Variants in CNTNAP4 observed in about 807,000 individuals in gnomAD.
CNTNAP4 encodes the protein contactin associated protein family member 4, also known as contactin-associated protein-like 4.
A neutral mutation model predicts 148.4 loss-of-function variants in CNTNAP4; 98 were observed. That is an observed-to-expected ratio of 0.66 (90% CI 0.56 to 0.78). CNTNAP4 has a LOEUF of 0.78. Ranked by LOEUF, CNTNAP4 falls within the 30% of genes least tolerant of loss-of-function variation. The probability of loss-of-function intolerance (pLI) is 0.00; values close to 1 mark genes in which losing one functional copy is unlikely to be tolerated. For synonymous variants in CNTNAP4, 730 were observed against 565.1 expected, an observed-to-expected ratio of 1.29 and a Z score of -4.14; for missense variants, 1,935 against 1,565.6, an observed-to-expected ratio of 1.24 and a Z score of -3.98.
At chr16:76,441,718 T>C (rs958119003) in intron 4 of CNTNAP4, among the ~76,000 whole-genome samples, 1 of 152,194 alleles carries the variant, frequency 6.6e-6, no homozygotes. Context: ...TTCATTATTA[T>C]TTAAAGAGTC....
chr16:76,403,699 T>G (rs946401653), intron 3 of CNTNAP4, among the ~76,000 whole-genome samples: 7 of 152,190 alleles, frequency 4.6e-5, no homozygotes, highest in African/African-American at 1.7e-4. Flanking sequence ...TTACTGGGTA[T>G]GTACCCAGAA....
chr16:76,285,108 G>C (rs968756023), intron 1 of CNTNAP4, among the ~76,000 whole-genome samples: 5 of 151,962 alleles, frequency 3.3e-5, no homozygotes, highest in Non-Finnish European at 7.4e-5. Context: ...TATTGCTTCA[G>C]TTTGCCCATG....
intron 17 of CNTNAP4, among the ~76,000 whole-genome samples, chr16:76,525,955 C>A (rs1370951946): frequency 6.6e-6 from 1 of 150,898 alleles, no homozygotes; most frequent in Non-Finnish European, 1.5e-5. Context: ...GGTTATATAT[C>A]ATCATATGTA....
At chr16:76,333,908 C>G (rs1419185027) in intron 2 of CNTNAP4, among the ~76,000 whole-genome samples, 1 of 149,454 alleles carries the variant, frequency 6.7e-6, no homozygotes, top group Non-Finnish European at 1.5e-5. Flanking sequence ...TCCACATCCT[C>G]TACAGCACCT....
At chr16:76,432,880 C>T (rs1403561145) in intron 4 of CNTNAP4, among the ~76,000 whole-genome samples, 1 of 152,126 alleles carries the variant, frequency 6.6e-6, no homozygotes, top group Non-Finnish European at 1.5e-5. Flanking sequence ...GTTTCTTTGG[C>T]TAGCCATGAT....
chr16:76,280,558 G>C (rs1042581800), intron 1 of CNTNAP4, among the ~76,000 whole-genome samples: 1 of 152,066 alleles, frequency 6.6e-6, no homozygotes. Flanking sequence ...GAAATATGTT[G>C]AATGAACCAC....
At chr16:76,450,383 T>C (rs536441475) in intron 7 of CNTNAP4, among the ~76,000 whole-genome samples, 11 of 152,198 alleles carry the variant, frequency 7.2e-5, no homozygotes, top group Non-Finnish European at 1.6e-4. Context: ...CTCCTGACCT[T>C]GGGTGATCCG....
intron 3 of CNTNAP4, among the ~76,000 whole-genome samples, chr16:76,409,620 A>G (rs2078721338): frequency 6.6e-6 from 1 of 152,038 alleles, no homozygotes; most frequent in Non-Finnish European, 1.5e-5. Flanking sequence ...AAAGAAATTA[A>G]AACTATTTTT....
intron 3 of CNTNAP4, among the ~76,000 whole-genome samples, chr16:76,422,074 G>A (rs775777738): frequency 9.9e-5 from 15 of 151,960 alleles, no homozygotes; most frequent in Non-Finnish European, 1.8e-4. Context: ...GAATCACTTT[G>A]GAAATACTCA....
At chr16:76,517,196 G>A (rs1337793868) in intron 15 of CNTNAP4, among the ~76,000 whole-genome samples, 1 of 152,136 alleles carries the variant, frequency 6.6e-6, no homozygotes, top group Non-Finnish European at 1.5e-5. Context: ...TGTGCCAGGA[G>A]GTTAAAGAAG....
chr16:76,529,490 T>C (rs773101768), intron 17 of CNTNAP4, among the ~76,000 whole-genome samples: 1 of 152,180 alleles, frequency 6.6e-6, no homozygotes, highest in Non-Finnish European at 1.5e-5. Context: ...AATGTGACAG[T>C]GGTCATTTTC....
In CNTNAP4 at chr16:76,415,580, C is replaced by T. The variant is rs186822422; in HGVS notation, c.391-11872C>T. 4.9e-3 allele frequency among the ~76,000 whole-genome samples: 745 copies of T among 150,932 alleles called. 17 individuals are homozygous for T. Among genetic ancestry groups the T allele is most frequent in the Non-Finnish European group, 3.6e-3 (242 of 67,306 alleles). ...TTTTTATTGAGAAAGTATTTAGTTGCCATAAAATGCACCCAAATAAAGTGC... is the reference window on the plus strand; with the variant it reads ...TTTTTATTGAGAAAGTATTTAGTTGTCATAAAATGCACCCAAATAAAGTGC... On this transcript the variant is annotated intron_variant, in intron 3 of 23. Coordinates refer to ENST00000611870, the MANE Select transcript of CNTNAP4 (RefSeq NM_033401.5).
At chr16:76,368,981 A>T (rs547945088) in intron 3 of CNTNAP4, among the ~76,000 whole-genome samples, 4 of 152,180 alleles carry the variant, frequency 2.6e-5, no homozygotes, top group Admixed American at 2.6e-4. Context: ...ACATAGTATA[A>T]GTATGAAACT....
chr16:76,418,571 C>T (rs1277482353), intron 3 of CNTNAP4, among the ~76,000 whole-genome samples: 3 of 151,592 alleles, frequency 2.0e-5, no homozygotes, highest in African/African-American at 4.8e-5. Flanking sequence ...TTTCATCTCT[C>T]GATTACATTA....
intron 12 of CNTNAP4, among the ~76,000 whole-genome samples, chr16:76,482,431 A>ATTTTTT (rs373576749): frequency 8.5e-5 from 11 of 129,594 alleles, no homozygotes; most frequent in African/African-American, 2.0e-4. Flanking sequence ...TGTTTTACAC[A>ATTTTTT]ATTTTTTTTT....
intron 15 of CNTNAP4, among the ~76,000 whole-genome samples, chr16:76,519,408 A>G (rs959320938): frequency 3.3e-5 from 5 of 152,182 alleles, no homozygotes; most frequent in Non-Finnish European, 5.9e-5. Context: ...ATGATATAAT[A>G]TGAAAAAAAT....
intron 15 of CNTNAP4, among the ~76,000 whole-genome samples, chr16:76,519,705 G>A (rs895773611): frequency 1.3e-5 from 2 of 152,130 alleles, no homozygotes; most frequent in African/African-American, 4.8e-5. Flanking sequence ...AGCTGTAAAA[G>A]GGACAAAAGG....
Position 76,435,633 on chromosome 16 carries a change from C to T in CNTNAP4, c.538+8034C>T, listed in dbSNP as rs573003956. Among the ~76,000 whole-genome samples, 6 of 152,190 alleles carry T rather than the reference C, an allele frequency of 3.9e-5. No homozygotes were observed. The East Asian group carries it at 1.2e-3, about 30-fold the overall frequency. Reference sequence around the variant, plus strand: ...TCAAGGGTATATCTTCTGGACCCTCCCAGCTGGGATGAGTAGGTCTAAAGT... The same window carrying T: ...TCAAGGGTATATCTTCTGGACCCTCTCAGCTGGGATGAGTAGGTCTAAAGT... On this transcript the variant is annotated intron_variant, in intron 4 of 23. Coordinates refer to ENST00000611870, the MANE Select transcript of CNTNAP4 (RefSeq NM_033401.5).
At chr16:76,539,576 G>A in intron 19 of CNTNAP4, 143 bp from the exon 20 acceptor site, 2 of 661,296 alleles carry the variant, frequency 3.0e-6, no homozygotes, top group Middle Eastern at 4.2e-4. Flanking sequence ...CTTGGAAACT[G>A]ACTCTTGGGG....
Sources: gnomAD v4.1 joint callset for allele counts (sites outside exome capture counted in the v4.1 genomes callset) on GRCh38, gnomAD v4.1.1 for gene constraint, MANE v1.5 for transcripts, NCBI Gene and HGNC (gene_info 2026-07-23, HGNC 2026-07-21) for gene names.